BICDL1: variants seen among roughly 807,000 people sequenced by gnomAD.
BICDL1 encodes the protein BICD family-like cargo adapter 1.
Under a neutral mutation model 76.8 loss-of-function variants are expected in BICDL1, and 20 were observed. That is an observed-to-expected ratio of 0.26 (90% CI 0.18 to 0.38). BICDL1 has a LOEUF of 0.38. Among genes scored for constraint, BICDL1 ranks in the 10% least tolerant of loss-of-function variants. BICDL1 has a pLI of 1.00. For missense variants in BICDL1, 700 were observed against 798.6 expected (o/e 0.88, Z 1.49); for synonymous variants, 383 against 337.1 (o/e 1.14, Z -1.49).
Position 120,091,990 on chromosome 12 carries a change from C to T in BICDL1, c.1705-1010C>T, listed in dbSNP as rs957973823. ...TCACTCAGGGGTTTAGCCAGAAAAGCTTGGGGTCTTACCAGGATGCCGCAG... is the reference window on the plus strand; with the variant it reads ...TCACTCAGGGGTTTAGCCAGAAAAGTTTGGGGTCTTACCAGGATGCCGCAG... On this transcript the variant is annotated intron_variant, in intron 9 of 9. Transcript: ENST00000548673. 2.8e-5 allele frequency: 28 copies of T among 985,312 alleles called. No homozygotes were observed. In the African/African-American group the frequency reaches 4.7e-4, roughly 17 times the overall value. The allele number at this position is 985,312 out of a possible 1,614,324, so 61.0% of individuals were successfully genotyped here. A position where few individuals can be genotyped will look rare whatever the true frequency, so the allele number is the denominator to read the frequency against.
chr12:120,085,799 CAAAAAA>C (rs35399078), intron 8 of BICDL1, among the ~76,000 whole-genome samples: 2 of 69,718 alleles, frequency 2.9e-5, no homozygotes, highest in African/African-American at 5.5e-5. Context: ...GATCCTGCCT[CAAAAAA>C]AAAAAAAAAA....
chr12:120,027,141 G>T (rs764171335), intron 2 of BICDL1, among the ~76,000 whole-genome samples: 14 of 146,454 alleles, frequency 9.6e-5, no homozygotes, highest in Non-Finnish European at 1.9e-4. Flanking sequence ...TGTGATTCTC[G>T]TGCCTCAGCC....
intron 2 of BICDL1, among the ~76,000 whole-genome samples, chr12:120,016,765 C>T (rs931233135): frequency 2.0e-4 from 30 of 151,794 alleles, no homozygotes; most frequent in African/African-American, 7.3e-4. Context: ...TTCAAAGAAG[C>T]TTGTACCAGT....
At chr12:120,033,094 G>A (rs1210472156) in intron 2 of BICDL1, among the ~76,000 whole-genome samples, 1 of 151,744 alleles carries the variant, frequency 6.6e-6, no homozygotes, top group African/African-American at 2.4e-5. Context: ...GTATTACTTT[G>A]TAACCTGCTT....
intron 8 of BICDL1, among the ~76,000 whole-genome samples, chr12:120,083,653 T>G (rs1292961881): frequency 6.6e-6 from 1 of 150,942 alleles, no homozygotes; most frequent in Non-Finnish European, 1.5e-5. Flanking sequence ...ATTTATTTAT[T>G]TATTTATTTA....
Position 119,998,503 on chromosome 12 carries a change from C to T in BICDL1, c.430-18C>T. On this transcript the variant is annotated intron_variant, in intron 1 of 9. Coordinates refer to ENST00000548673, the MANE Select transcript of BICDL1 (RefSeq NM_001367886.1). The stretch of plus-strand genomic sequence containing the variant: ...TGGAATTTTTATCAGTGTTTAAATC[C>T]CTTCACTTTTCACCCAGCACTTAGA... 1 of 1,573,682 alleles carries T rather than the reference C, an allele frequency of 6.4e-7. No homozygotes were observed. Among genetic ancestry groups the T allele is most frequent in the Non-Finnish European group, 8.6e-7 (1 of 1,162,120 alleles).
At chr12:120,003,300 C>CT (rs1385370473) in intron 2 of BICDL1, among the ~76,000 whole-genome samples, 3 of 152,132 alleles carry the variant, frequency 2.0e-5, no homozygotes, top group Non-Finnish European at 4.4e-5. Context: ...ACTGTAAACT[C>CT]TATGAGAGCA....
chr12:120,073,620 C>G (rs927801390), intron 6 of BICDL1, among the ~76,000 whole-genome samples: 1 of 152,210 alleles, frequency 6.6e-6, no homozygotes, highest in Non-Finnish European at 1.5e-5. Flanking sequence ...CCCCGACTTA[C>G]CCTCCACTCA....
At chr12:119,995,981 G>A (rs199682003) in intron 1 of BICDL1, among the ~76,000 whole-genome samples, 5 of 147,560 alleles carry the variant, frequency 3.4e-5, no homozygotes, top group East Asian at 2.0e-4. Context: ...GCAAGACTCC[G>A]TCTCAAAAAA....
At position 119,989,991 on chromosome 12, in the gene BICDL1, C is replaced by T. The variant is rs753569983; in HGVS notation, c.123C>T (p.Ala41=). The T allele has an allele frequency of 1.4e-6, 2 of 1,477,284 alleles. No individual in the cohort carries two copies. The highest frequency in any genetic ancestry group is 1.8e-6 in the Non-Finnish European group (2 of 1,127,828). 91.5% of individuals were successfully genotyped at this position (1,477,284 alleles called of 1,614,324 possible). The stretch of plus-strand genomic sequence containing the variant: ...CAGTCCGGAGTCCCGCCGCCGCCGC[C>T]GCCCTCATCTTCCCCGGGGGCTCCG... ...GDAVRSPAAA[A]ALIFPGGSGE... Residue 41 remains alanine, a synonymous_variant, in exon 1 of 10, where the codon GCC becomes GCT. Transcript: ENST00000548673.
intron 2 of BICDL1, among the ~76,000 whole-genome samples, chr12:120,003,170 A>AC (rs1951790536): frequency 1.3e-5 from 2 of 151,636 alleles, no homozygotes; most frequent in Middle Eastern, 3.4e-3. Context: ...AAAAAAAAAA[A>AC]AAAAAACAGT....
chr12:120,075,901 G>T (rs1873510145), intron 7 of BICDL1, among the ~76,000 whole-genome samples: 1 of 152,226 alleles, frequency 6.6e-6, no homozygotes, highest in Admixed American at 6.5e-5. Context: ...GCTCACGCCT[G>T]TAATCCCAGC....
intron 2 of BICDL1, among the ~76,000 whole-genome samples, chr12:120,038,801 A>G (rs1241612858): frequency 1.3e-5 from 2 of 152,258 alleles, no homozygotes; most frequent in Admixed American, 6.5e-5. Flanking sequence ...TCATCTAAAG[A>G]GTAGGTTAAT....
At chr12:120,009,827 A>G (rs916324155) in intron 2 of BICDL1, among the ~76,000 whole-genome samples, 2 of 152,232 alleles carry the variant, frequency 1.3e-5, no homozygotes, top group Non-Finnish European at 2.9e-5. Context: ...TGAACCATCA[A>G]CAGAAAAGCA....
At chr12:120,057,196 G>C in intron 2 of BICDL1, 1 of 484,248 alleles carries the variant, frequency 2.1e-6, no homozygotes, top group Non-Finnish European at 4.1e-6. Flanking sequence ...TTGTAAGTTT[G>C]TAGAGACAGG....
chr12:120,089,290 A>G lies in BICDL1; in HGVS notation c.1584-661A>G, dbSNP rs574046205. On this transcript the variant is annotated intron_variant, in intron 8 of 9. Transcript: ENST00000548673. ...TTTCAACGTGTGTGTGTGTGTGTGT[A>G]TGTGTGTGTGTGTGGGGTGTGACGG... Among the ~76,000 whole-genome samples, 809 of 126,476 alleles carry G rather than the reference A, an allele frequency of 6.4e-3. 22 individuals are homozygous for G. The highest frequency in any genetic ancestry group is 0.051 in the Admixed American group (719 of 13,984). 83.0% of individuals were successfully genotyped at this position (126,476 alleles called of 152,430 possible). A position where few individuals can be genotyped will look rare whatever the true frequency, so the allele number is the denominator to read the frequency against.
chr12:120,040,914 T>C (rs1285201114), intron 2 of BICDL1, among the ~76,000 whole-genome samples: 1 of 152,020 alleles, frequency 6.6e-6, no homozygotes, highest in Admixed American at 6.6e-5. Context: ...ACGTGGCTAA[T>C]TTTTGTATTT....
chr12:119,989,901 C>G lies in BICDL1; in HGVS notation c.33C>G (p.Arg11=). MSAFCLGLVG[R]ASAPAEPDSA... The stretch of plus-strand genomic sequence containing the variant: ...CTTTCTGCCTGGGCTTGGTCGGCCG[C>G]GCTTCAGCACCCGCCGAGCCGGACA... Residue 11 remains arginine, a synonymous_variant, in exon 1 of 10, where the codon CGC becomes CGG. Transcript: ENST00000548673. The G allele has an allele frequency of 4.2e-6, 6 of 1,443,954 alleles. No individual in the cohort carries two copies. Among genetic ancestry groups the G allele is most frequent in the Non-Finnish European group, 5.4e-6 (6 of 1,110,306 alleles). The allele number at this position is 1,443,954 out of a possible 1,614,324, so 89.4% of individuals were successfully genotyped here. A position where few individuals can be genotyped will look rare whatever the true frequency, so the allele number is the denominator to read the frequency against.
At position 120,071,886 on chromosome 12, in the gene BICDL1, C is replaced by T. The variant is rs747972709; in HGVS notation, c.1089+85C>T. 1.9e-5 allele frequency: 27 copies of T among 1,435,220 alleles called. No individual in the cohort carries two copies. The highest frequency in any genetic ancestry group is 1.1e-4 in the Admixed American group (4 of 35,170). 88.9% of individuals were successfully genotyped at this position (1,435,220 alleles called of 1,614,324 possible). A position where few individuals can be genotyped will look rare whatever the true frequency, so the allele number is the denominator to read the frequency against. ...TCCTCCCTAGTGCTCAGCTGCCATC[C>T]TGGCAAGGCTGTGCCCCTGTGCCTG... On this transcript the variant is annotated intron_variant, in intron 5 of 9. Coordinates refer to ENST00000548673, the MANE Select transcript of BICDL1 (RefSeq NM_001367886.1). This position sits in a 1 kb window ranked among gnomAD's most constrained non-coding sequence, Gnocchi z 4.8.
Sources: gnomAD v4.1 joint callset for allele counts (sites outside exome capture counted in the v4.1 genomes callset) on GRCh38, gnomAD v4.1.1 for gene constraint, Gnocchi (gnomAD v3.1) non-coding constraint, MANE v1.5 for transcripts, NCBI Gene and HGNC (gene_info 2026-07-23, HGNC 2026-07-21) for gene names.